ATP2B3: variants seen among roughly 807,000 people sequenced by gnomAD.
ATP2B3 encodes the protein ATPase plasma membrane Ca2+ transporting 3.
In ATP2B3, 12 loss-of-function variants were observed where a neutral mutation model predicts 70.8. That is an observed-to-expected ratio of 0.17 (90% CI 0.11 to 0.27). The LOEUF is 0.27. Ranked by LOEUF, ATP2B3 falls within the 10% of genes least tolerant of loss-of-function variation. ATP2B3 has a pLI of 1.00. For missense variants in ATP2B3, 858 were observed against 1,118.5 expected, an observed-to-expected ratio of 0.77 and a Z score of 3.32; for synonymous variants, 460 against 497.8, an observed-to-expected ratio of 0.92 and a Z score of 1.01.
At chrX:153,559,698 C>T in intron 17 of ATP2B3, 31 bp from the exon 18 acceptor site, 1 of 1,189,278 alleles carries the variant, frequency 8.4e-7, no homozygotes, top group Non-Finnish European at 1.1e-6. Flanking sequence ...GGCAGGCGGC[C>T]CATGGAAAGG....
intron 21 of ATP2B3, among the ~76,000 whole-genome samples, chrX:153,566,312 A>G (rs1055913397): frequency 8.9e-6 from 1 of 112,642 alleles, no homozygotes; most frequent in Non-Finnish European, 1.9e-5. Flanking sequence ...GAGTAAGGAC[A>G]CCACTGCACA....
chrX:153,528,081 C>T (rs1322295340), intron 2 of ATP2B3, among the ~76,000 whole-genome samples: 1 of 113,155 alleles, frequency 8.8e-6, no homozygotes, highest in African/African-American at 3.2e-5. Flanking sequence ...AAGCCAGCAC[C>T]TGCACTCTGG....
chrX:153,536,134 A>T lies in ATP2B3; in HGVS notation c.-114A>T. On this transcript the variant is annotated 5_prime_UTR_variant, in exon 3 of 22. An upstream open reading frame in the 5' UTR loses its in-frame stop. Coordinates refer to ENST00000263519, the MANE Select transcript of ATP2B3 (RefSeq NM_001001344.3). ...TCCATCTCCCCAGGTGTCCACGCTT[A>T]GCAGCTTTCTCACCGCCGCCAAACC... The T allele has an allele frequency of 1.2e-6, 1 of 861,196 alleles. No homozygotes were observed. Among genetic ancestry groups the T allele is most frequent in the Non-Finnish European group, 1.7e-6 (1 of 595,211 alleles). The allele number at this position is 861,196 out of a possible 1,213,427, so 71.0% of individuals were successfully genotyped here.
At chrX:153,529,324 G>T (rs890807573) in intron 2 of ATP2B3, among the ~76,000 whole-genome samples, 10 of 112,086 alleles carry the variant, frequency 8.9e-5, no homozygotes, top group Non-Finnish European at 1.9e-4. Context: ...GCAGGGTGGG[G>T]GTAGGGTGTG....
chrX:153,521,382 G>A (rs782266157), intron 2 of ATP2B3, among the ~76,000 whole-genome samples: 14 of 112,710 alleles, frequency 1.2e-4, no homozygotes, highest in Non-Finnish European at 2.1e-4. Context: ...AGGGGAATTC[G>A]GGCATCCTGG....
chrX:153,536,567 C>T (rs1472077083), intron 3 of ATP2B3, 112 bp downstream of exon 3: 178 of 857,508 alleles, frequency 2.1e-4, no homozygotes, highest in Non-Finnish European at 2.8e-4. Context: ...CACCTGTGCC[C>T]CTCCTCTCAG....
chrX:153,556,491 G>T, intron 15 of ATP2B3, 73 bp downstream of exon 15: 2 of 1,073,389 alleles, frequency 1.9e-6, no homozygotes, highest in South Asian at 4.1e-5. Flanking sequence ...CCAAAAGCCA[G>T]GTTCCCAAAC....
intron 13 of ATP2B3, among the ~76,000 whole-genome samples, chrX:153,554,283 G>A (rs928179557): frequency 4.4e-5 from 5 of 113,149 alleles, no homozygotes; most frequent in Admixed American, 3.7e-4. Context: ...CATGAGTCCC[G>A]GGCCCCACTG....
At chrX:153,534,105 G>A (rs188280264) in intron 2 of ATP2B3, among the ~76,000 whole-genome samples, 4 of 111,957 alleles carry the variant, frequency 3.6e-5, no homozygotes, top group Non-Finnish European at 7.5e-5. Flanking sequence ...CTACATGGTG[G>A]GATTGTTGAG....
In ATP2B3 at chrX:153,582,381, G is replaced by A. The variant is rs2090929535; in HGVS notation, c.*2083G>A. The A allele has an allele frequency of 8.9e-6, 1 of 112,575 alleles. No individual in the cohort carries two copies. Among genetic ancestry groups the A allele is most frequent in the African/African-American group, 3.2e-5 (1 of 30,836 alleles). 9.3% of individuals were successfully genotyped at this position (112,575 alleles called of 1,213,427 possible). On this transcript the variant is annotated 3_prime_UTR_variant, in exon 22 of 22. Transcript: ENST00000263519. ...TGTTTAAACGATAATAAGAAAAAGGGCAACTCCATTTGTTGAGGGTCTTTG... is the reference window on the plus strand; with the variant it reads ...TGTTTAAACGATAATAAGAAAAAGGACAACTCCATTTGTTGAGGGTCTTTG...
At chrX:153,565,456 T>C (rs1201563499) in intron 21 of ATP2B3, among the ~76,000 whole-genome samples, 1 of 112,826 alleles carries the variant, frequency 8.9e-6, no homozygotes, top group African/African-American at 3.2e-5. Context: ...CCCCAGGTCA[T>C]AGGCAAGTGA....
rs1470612946 is a variant in ATP2B3 at position 153,553,336 on chromosome X, G to T, written c.2058+67G>T. 46 of 1,009,126 alleles carry T rather than the reference G, an allele frequency of 4.6e-5. No individual in the cohort carries two copies. In the South Asian group the frequency reaches 8.0e-4, roughly 17 times the overall value. The allele number at this position is 1,009,126 out of a possible 1,213,427, so 83.2% of individuals were successfully genotyped here. On this transcript the variant is annotated intron_variant, in intron 13 of 21. Coordinates refer to ENST00000263519, the MANE Select transcript of ATP2B3 (RefSeq NM_001001344.3). ...CCTCTGCCCGAGCTTGTCCGGACTGGTAGGGGCGGCCTTCCTTCACACACA... is the reference window on the plus strand; with the variant it reads ...CCTCTGCCCGAGCTTGTCCGGACTGTTAGGGGCGGCCTTCCTTCACACACA...
At position 153,582,074 on chromosome X, in the gene ATP2B3, A is replaced by G. The variant is rs1557023293; in HGVS notation, c.*1776A>G. On this transcript the variant is annotated 3_prime_UTR_variant, in exon 22 of 22. Transcript: ENST00000263519. ...ACAGTTGGGACCTGAGGGACAGAGG[A>G]TCGGAATGGAAACCACCAACGTGCA... 1 of 111,727 alleles carries G rather than the reference A, an allele frequency of 9.0e-6. No individual in the cohort carries two copies. The highest frequency in any genetic ancestry group is 9.5e-5 in the Admixed American group (1 of 10,572). The allele number at this position is 111,727 out of a possible 1,213,427, so 9.2% of individuals were successfully genotyped here. A position where few individuals can be genotyped will look rare whatever the true frequency, so the allele number is the denominator to read the frequency against.
At chrX:153,574,012 T>C (rs782605112) in intron 21 of ATP2B3, among the ~76,000 whole-genome samples, 48 of 112,663 alleles carry the variant, frequency 4.3e-4, no homozygotes, top group Non-Finnish European at 8.1e-4. Flanking sequence ...GCTGTGGAGT[T>C]TGCATTTTCA....
At chrX:153,576,599 T>C (rs1260453189) in intron 21 of ATP2B3, among the ~76,000 whole-genome samples, 1 of 111,980 alleles carries the variant, frequency 8.9e-6, no homozygotes, top group African/African-American at 3.2e-5. Flanking sequence ...AAGGTGGACA[T>C]GGTGCAGCTG....
rs781949897 is a variant in ATP2B3, at chrX:153,579,955, T to C, written c.3343-23T>C. ...CCCTCCCTGCTCCCACCTCGCGCCC[T>C]GTCCCTCCACCTCCCACTCCAGATC... On this transcript the variant is annotated intron_variant, in intron 21 of 21. Coordinates refer to ENST00000263519, the MANE Select transcript of ATP2B3 (RefSeq NM_001001344.3). The C allele has an allele frequency of 1.3e-5, 15 of 1,186,756 alleles. No homozygotes were observed. The South Asian group carries it at 1.8e-4, about 14-fold the overall frequency.
At chrX:153,542,498 G>A (rs782204406) in intron 6 of ATP2B3, 50 bp downstream of exon 6, 11 of 1,189,335 alleles carry the variant, frequency 9.2e-6, no homozygotes, top group Admixed American at 4.5e-5. Flanking sequence ...GTCAGCAGCC[G>A]TGTGGCCCAG....
chrX:153,529,252 C>T (rs782125495), intron 2 of ATP2B3, among the ~76,000 whole-genome samples: 2 of 111,826 alleles, frequency 1.8e-5, no homozygotes, highest in Non-Finnish European at 3.8e-5. Flanking sequence ...GCTCCTGTGC[C>T]ACCAAATAGG....
chrX:153,529,156 G>A (rs2090076926), intron 2 of ATP2B3, among the ~76,000 whole-genome samples: 2 of 112,303 alleles, frequency 1.8e-5, no homozygotes, highest in Non-Finnish European at 3.8e-5. Context: ...AATGGGGTCA[G>A]TACCTCTGAA....
Sources: allele counts gnomAD v4.1 joint callset (sites outside exome capture counted in the v4.1 genomes callset), GRCh38; gene constraint gnomAD v4.1.1; transcripts MANE v1.5; gene names NCBI Gene and HGNC (gene_info 2026-07-23, HGNC 2026-07-21).